Variants in PARN observed in about 807,000 individuals in gnomAD.
The protein encoded by PARN is poly(A)-specific ribonuclease PARN.
PARN carries 71 observed loss-of-function variants against 102.8 expected under a neutral mutation model. That is an observed-to-expected ratio of 0.69 (90% CI 0.57 to 0.84). The LOEUF (loss-of-function observed/expected upper bound fraction) is 0.84. PARN is among the 40% of genes least tolerant of loss of function. PARN has a pLI of 0.00. For missense variants in PARN, 782 were observed against 760.9 expected, an observed-to-expected ratio of 1.03 and a Z score of -0.33; for synonymous variants, 261 against 252.9, an observed-to-expected ratio of 1.03 and a Z score of -0.30.
In PARN at chr16:14,470,437, G is replaced by T. The variant is rs8052836; in HGVS notation, c.1670+12201C>A. ...ACTATAGAAATCTTAGAGTTTGGATGATTATTATTATTATTATTATTATTA... is the reference window on the plus strand; with the variant it reads ...ACTATAGAAATCTTAGAGTTTGGATTATTATTATTATTATTATTATTATTA... On this transcript the variant is annotated intron_variant, in intron 22 of 23. Transcript: ENST00000437198. 4.2e-3 allele frequency among the ~76,000 whole-genome samples: 618 copies of T among 147,150 alleles called. 4 individuals are homozygous for T. Among genetic ancestry groups the T allele is most frequent in the Middle Eastern group, 0.014 (4 of 280 alleles).
chr16:14,553,188 C>A (rs1461744661), intron 20 of PARN, among the ~76,000 whole-genome samples: 6 of 139,116 alleles, frequency 4.3e-5, no homozygotes, highest in Non-Finnish European at 9.1e-5. Flanking sequence ...GAGTCCGAGG[C>A]GGGAGGATCA....
chr16:14,615,247 C>A (rs1392625129), intron 6 of PARN, among the ~76,000 whole-genome samples: 1 of 150,348 alleles, frequency 6.7e-6, no homozygotes, highest in Non-Finnish European at 1.5e-5. Context: ...CAGGGCATGA[C>A]TATAAAACAG....
chr16:14,489,049 G>A (rs947419934), intron 21 of PARN, among the ~76,000 whole-genome samples: 6 of 152,052 alleles, frequency 3.9e-5, no homozygotes, highest in African/African-American at 1.2e-4. Context: ...GTGATGTAAC[G>A]GTGAATGATA....
At chr16:14,556,139 AATT>A (rs777317986) in intron 18 of PARN, among the ~76,000 whole-genome samples, 8 of 149,216 alleles carry the variant, frequency 5.4e-5, no homozygotes, top group African/African-American at 2.0e-4. Context: ...CTGGCTTTAT[AATT>A]ATTATTATTA....
At chr16:14,566,016 A>G (rs1209034926) in intron 18 of PARN, among the ~76,000 whole-genome samples, 1 of 152,176 alleles carries the variant, frequency 6.6e-6, no homozygotes, top group East Asian at 1.9e-4. Flanking sequence ...GGAAATAACT[A>G]TTACCCACTT....
intron 22 of PARN, among the ~76,000 whole-genome samples, chr16:14,463,026 T>C (rs1962084068): frequency 6.6e-6 from 1 of 152,186 alleles, no homozygotes; most frequent in African/African-American, 2.4e-5. Context: ...CAGCACATAA[T>C]GGGTGAGCAA....
chr16:14,573,725 T>C (rs1968949140), intron 18 of PARN, among the ~76,000 whole-genome samples: 1 of 152,178 alleles, frequency 6.6e-6, no homozygotes, highest in South Asian at 2.1e-4. Context: ...TGATAGTGAG[T>C]GAGTCTCACG....
chr16:14,513,965 C>T (rs760276460), intron 21 of PARN, among the ~76,000 whole-genome samples: 1 of 152,096 alleles, frequency 6.6e-6, no homozygotes, highest in African/African-American at 2.4e-5. Flanking sequence ...GGTCAGTGCC[C>T]GGCACACATG....
At chr16:14,482,031 A>T (rs1422157523) in intron 22 of PARN, among the ~76,000 whole-genome samples, 1 of 152,144 alleles carries the variant, frequency 6.6e-6, no homozygotes, top group East Asian at 1.9e-4. Flanking sequence ...GTTCACTTCT[A>T]ATCCTGGTTC....
intron 22 of PARN, among the ~76,000 whole-genome samples, chr16:14,455,177 T>C (rs1299835428): frequency 6.6e-6 from 1 of 152,230 alleles, no homozygotes; most frequent in Non-Finnish European, 1.5e-5. Context: ...TAGAAAAGCT[T>C]CTTTCATTTT....
intron 21 of PARN, among the ~76,000 whole-genome samples, chr16:14,548,414 C>CACATT (rs1967093352): frequency 6.6e-6 from 1 of 152,154 alleles, no homozygotes; most frequent in African/African-American, 2.4e-5. Flanking sequence ...TTACATCCAT[C>CACATT]ACATGCAAAA....
chr16:14,482,912 T>C, intron 21 of PARN, 85 bp from the exon 22 acceptor site: 2 of 1,184,650 alleles, frequency 1.7e-6, no homozygotes, highest in Non-Finnish European at 2.3e-6. Context: ...TGGCCTAAGG[T>C]GGTCAAAGGA....
intron 22 of PARN, among the ~76,000 whole-genome samples, chr16:14,463,990 C>T (rs141825652): frequency 1.1e-3 from 175 of 152,248 alleles, no homozygotes; most frequent in African/African-American, 3.9e-3. Context: ...TGTGCCACCA[C>T]GTCCAGCTAA....
At chr16:14,514,578 T>C (rs1019362405) in intron 21 of PARN, among the ~76,000 whole-genome samples, 6 of 152,312 alleles carry the variant, frequency 3.9e-5, no homozygotes, top group African/African-American at 1.2e-4. Flanking sequence ...ACTGAATCAC[T>C]AAATATCTGA....
At chr16:14,437,337 A>C (rs1246278465) in intron 23 of PARN, among the ~76,000 whole-genome samples, 3 of 152,162 alleles carry the variant, frequency 2.0e-5, no homozygotes, top group East Asian at 1.9e-4. Flanking sequence ...CTAGGTGAGA[A>C]ATCTCAGGTG....
At chr16:14,602,711 C>T (rs531904606) in intron 11 of PARN, among the ~76,000 whole-genome samples, 1 of 152,096 alleles carries the variant, frequency 6.6e-6, no homozygotes, top group Non-Finnish European at 1.5e-5. Context: ...TAAGGAGCTG[C>T]TATGAGGCCA....
rs192458385 is a variant in PARN at position 14,608,572 on chromosome 16, T to C, written c.621-253A>G. On this transcript the variant is annotated intron_variant, in intron 8 of 23. Transcript: ENST00000437198. Reference sequence around the variant, plus strand: ...CTCGTCTAATCAAAATATTGCTTCCTGCAGCTGCATAAAGAGAGCTTAAAG... The same window carrying C: ...CTCGTCTAATCAAAATATTGCTTCCCGCAGCTGCATAAAGAGAGCTTAAAG... Among the ~76,000 whole-genome samples, 396 of 152,316 alleles carry C rather than the reference T, an allele frequency of 2.6e-3. 2 individuals carry two copies. Among genetic ancestry groups the C allele is most frequent in the Admixed American group, 9.2e-3 (141 of 15,290 alleles).
chr16:14,462,241 T>C (rs1962027358), intron 22 of PARN, among the ~76,000 whole-genome samples: 1 of 151,942 alleles, frequency 6.6e-6, no homozygotes. Context: ...CAAGAATTCT[T>C]AGAAATTAAA....
Position 14,580,667 on chromosome 16 carries a change from CTT to C in PARN, c.1262+205_1262+206del, listed in dbSNP as rs78940243. On this transcript the variant is annotated intron_variant, in intron 18 of 23. Coordinates refer to ENST00000437198, the MANE Select transcript of PARN (RefSeq NM_002582.4). ...ACTATACTACGTCTAGCAATGTTTT[CTT>C]TTTTTTTTTTAAGCCTATATTTTTA... Among the ~76,000 whole-genome samples the C allele has an allele frequency of 3.4e-5, 5 of 144,946 alleles. No individual in the cohort carries two copies. In the East Asian group the frequency reaches 1.0e-3, roughly 29 times the overall value.
Sources: allele counts gnomAD v4.1 joint callset (sites outside exome capture counted in the v4.1 genomes callset), GRCh38; gene constraint gnomAD v4.1.1; transcripts MANE v1.5; gene names NCBI Gene and HGNC (gene_info 2026-07-23, HGNC 2026-07-21).